IQSEC1: variants seen among roughly 807,000 people sequenced by gnomAD.
The protein encoded by IQSEC1 is IQ motif and SEC7 domain-containing protein 1.
Under a neutral mutation model 91.0 loss-of-function variants are expected in IQSEC1, and 31 were observed. The ratio of observed to expected loss-of-function variants is 0.34; its 90% CI spans 0.26 to 0.46. The LOEUF (loss-of-function observed/expected upper bound fraction) is 0.46, where lower values mean the gene tolerates loss of function less well. IQSEC1 is among the 20% of genes least tolerant of loss of function. The probability of loss-of-function intolerance (pLI) is 1.00; values close to 1 mark genes in which losing one functional copy is unlikely to be tolerated. For missense variants in IQSEC1, 1,388 were observed against 1,575.6 expected (o/e 0.88, Z 2.02); for synonymous variants, 699 against 662.6 (o/e 1.05, Z -0.84).
rs1435706642 is a variant in IQSEC1, at chr3:12,924,569, T to C, written c.1730+12A>G. ...GGAATCAGGTCCCCCACCACCCCCA[T>C]GCAGAACTTACTCGAGCACGTCACG... is the stretch of plus-strand genomic sequence containing the variant. On this transcript the variant is annotated intron_variant, in intron 4 of 13. Transcript: ENST00000613206. This position sits in a 1 kb window ranked among gnomAD's most constrained non-coding sequence, Gnocchi z 6.3. 1.9e-6 allele frequency: 3 copies of C among 1,559,714 alleles called. No individual in the cohort carries two copies. In the Admixed American group the frequency reaches 5.2e-5, roughly 27 times the overall value.
At position 13,281,618 on chromosome 3, in the gene IQSEC1, G is replaced by C. The variant is rs1695791659; in HGVS notation, c.272+1093C>G. On this transcript the variant is annotated intron_variant, in intron 1 of 15. Coordinates refer to the IQSEC1 transcript ENST00000648114. Reference sequence around the variant, plus strand: ...TGGCCACAGTCGCTGCAGCCCCCCTGGGGTGGGAAACTCGGGTTTCCATGA... The same window carrying C: ...TGGCCACAGTCGCTGCAGCCCCCCTCGGGTGGGAAACTCGGGTTTCCATGA... 2.6e-5 allele frequency among the ~76,000 whole-genome samples: 4 copies of C among 152,158 alleles called. No homozygotes were observed. In the South Asian group the frequency reaches 8.3e-4, roughly 32 times the overall value.
At chr3:13,029,704 G>A (rs762827460) in intron 1 of IQSEC1, among the ~76,000 whole-genome samples, 7 of 152,204 alleles carry the variant, frequency 4.6e-5, no homozygotes, top group African/African-American at 1.4e-4. Context: ...GCGCACATGC[G>A]GTGTGAGATG....
chr3:12,914,827 G>T (rs905004987), intron 8 of IQSEC1, among the ~76,000 whole-genome samples: 1 of 152,076 alleles, frequency 6.6e-6, no homozygotes, highest in Non-Finnish European at 1.5e-5. Flanking sequence ...GGCCTCAGAG[G>T]ACACACCGGG....
At chr3:12,921,499 C>T (rs747991490) in intron 5 of IQSEC1, among the ~76,000 whole-genome samples, 7 of 152,246 alleles carry the variant, frequency 4.6e-5, no homozygotes, top group African/African-American at 9.6e-5. Flanking sequence ...GTAGTGACCG[C>T]GAGCTCACTG....
At chr3:13,049,279 G>C (rs554143788) in intron 1 of IQSEC1, among the ~76,000 whole-genome samples, 1 of 152,138 alleles carries the variant, frequency 6.6e-6, no homozygotes, top group African/African-American at 2.4e-5. Context: ...CTGCAAAATG[G>C]TGCCAGGTTC....
intron 1 of IQSEC1, among the ~76,000 whole-genome samples, chr3:13,174,564 A>AG (rs1411683502): frequency 1.4e-4 from 21 of 152,088 alleles, no homozygotes; most frequent in Non-Finnish European, 2.9e-5. Context: ...CCCTGCTGTC[A>AG]GCCCCCAGAA....
At position 13,117,343 on chromosome 3, in the gene IQSEC1, T is replaced by C. The variant is rs567253229; in HGVS notation, c.302+46761A>G. Among the ~76,000 whole-genome samples the C allele has an allele frequency of 4.3e-3, 642 of 148,762 alleles. 2 individuals carry two copies. The highest frequency in any genetic ancestry group is 0.013 in the Admixed American group (194 of 14,950). On this transcript the variant is annotated intron_variant, in intron 2 of 15. Coordinates refer to the IQSEC1 transcript ENST00000648114. ...GGCTCACGACTGTAATCCCAGCACT[T>C]TGGGAGGCGGAGGCGGGCGGATCAC...
intron 3 of IQSEC1, among the ~76,000 whole-genome samples, chr3:12,934,438 G>A (rs1260315029): frequency 6.6e-6 from 1 of 152,188 alleles, no homozygotes; most frequent in East Asian, 1.9e-4. Context: ...GGGGGCAGAC[G>A]GAGCAGGGAG....
chr3:13,035,026 C>T (rs1703984002), intron 1 of IQSEC1, among the ~76,000 whole-genome samples: 1 of 152,260 alleles, frequency 6.6e-6, no homozygotes, highest in Admixed American at 6.5e-5. Flanking sequence ...CTTTCTCCTC[C>T]TCCACTGACA....
At chr3:13,135,939 C>A (rs1226171479) in intron 2 of IQSEC1, among the ~76,000 whole-genome samples, 1 of 152,222 alleles carries the variant, frequency 6.6e-6, no homozygotes, top group Admixed American at 6.5e-5. Context: ...AGCGCAGGCC[C>A]TGCCCCAGGA....
chr3:13,156,098 G>A (rs1707082167), intron 2 of IQSEC1, among the ~76,000 whole-genome samples: 1 of 151,490 alleles, frequency 6.6e-6, no homozygotes, highest in Admixed American at 6.6e-5. Context: ...TGGGCATGGT[G>A]GTGCACACCT....
chr3:13,147,413 C>A (rs1171272496), intron 2 of IQSEC1, among the ~76,000 whole-genome samples: 3 of 149,202 alleles, frequency 2.0e-5, no homozygotes, highest in Non-Finnish European at 3.0e-5. Flanking sequence ...GAGAACATGG[C>A]AGTTTTTGTT....
At chr3:13,043,900 C>T (rs949557408) in intron 1 of IQSEC1, among the ~76,000 whole-genome samples, 6 of 152,334 alleles carry the variant, frequency 3.9e-5, no homozygotes, top group African/African-American at 1.4e-4. Flanking sequence ...CTCCCCACTC[C>T]CCCTCAGATG....
intron 1 of IQSEC1, among the ~76,000 whole-genome samples, chr3:13,217,817 G>A (rs1694578693): frequency 6.6e-6 from 1 of 152,100 alleles, no homozygotes; most frequent in Admixed American, 6.5e-5. Context: ...AATAATACCA[G>A]GAACACAAAA....
At chr3:13,063,786 G>A in intron 1 of IQSEC1, among the ~76,000 whole-genome samples, 1 of 152,218 alleles carries the variant, frequency 6.6e-6, no homozygotes. Context: ...TGCAGCCTTG[G>A]AGAGAAGGGC....
chr3:12,900,416 A>C lies in IQSEC1; in HGVS notation c.*567T>G. The C allele has an allele frequency of 2.0e-6, 2 of 983,048 alleles. No individual in the cohort carries two copies. The highest frequency in any genetic ancestry group is 2.4e-6 in the Non-Finnish European group (2 of 828,900). 60.9% of individuals were successfully genotyped at this position (983,048 alleles called of 1,614,324 possible). ...GTGGGTATTGCTAATGTGGACTGAA[A>C]CGCCTGCCTTTCACACACAAGTACT... is the stretch of plus-strand genomic sequence containing the variant. On this transcript the variant is annotated 3_prime_UTR_variant, in exon 14 of 14. Transcript: ENST00000613206.
intron 1 of IQSEC1, among the ~76,000 whole-genome samples, chr3:13,183,365 G>A (rs1693878708): frequency 6.7e-6 from 1 of 149,686 alleles, no homozygotes; most frequent in African/African-American, 2.6e-5. Context: ...CCAAGAGTTT[G>A]AGACCAGCCT....
chr3:13,045,187 C>T (rs959343360), intron 1 of IQSEC1, among the ~76,000 whole-genome samples: 1 of 152,238 alleles, frequency 6.6e-6, no homozygotes, highest in Non-Finnish European at 1.5e-5. Context: ...CTCCTCACCC[C>T]TCCTGTGCTT....
intron 1 of IQSEC1, among the ~76,000 whole-genome samples, chr3:13,018,648 G>A (rs1329065560): frequency 6.6e-6 from 1 of 152,214 alleles, no homozygotes; most frequent in Non-Finnish European, 1.5e-5. Flanking sequence ...GGAAGACGCA[G>A]GGAGGGGAGG....
Sources: allele counts gnomAD v4.1 joint callset (sites outside exome capture counted in the v4.1 genomes callset), GRCh38; gene constraint gnomAD v4.1.1; non-coding constraint Gnocchi (gnomAD v3.1); transcripts MANE v1.5; gene names NCBI Gene and HGNC (gene_info 2026-07-23, HGNC 2026-07-21).